Variants in MAN2B2 observed in about 807,000 individuals in gnomAD.
MAN2B2 encodes epididymis-specific alpha-mannosidase.
In MAN2B2, 106 loss-of-function variants were observed where a neutral mutation model predicts 117.1. That is an observed-to-expected ratio of 0.90 (90% CI 0.77 to 1.06). The LOEUF is 1.06. Ranked by LOEUF, MAN2B2 falls within the 50% of genes least tolerant of loss-of-function variation. The pLI, the probability that MAN2B2 is intolerant of heterozygous loss-of-function variation, is 0.00. For synonymous variants in MAN2B2, 544 were observed against 595.1 expected, an observed-to-expected ratio of 0.91 and a Z score of 1.25; for missense variants, 1,326 against 1,381.4, an observed-to-expected ratio of 0.96 and a Z score of 0.64.
At chr4:6,587,622 G>GGTA (rs1241377625) in intron 4 of MAN2B2, among the ~76,000 whole-genome samples, 1 of 152,162 alleles carries the variant, frequency 6.6e-6, no homozygotes, top group Non-Finnish European at 1.5e-5. Flanking sequence ...CAACAACCAT[G>GGTA]GTAGACGCTG....
chr4:6,576,822 C>T (rs1052595316), intron 2 of MAN2B2, 98 bp downstream of exon 2: 1 of 1,466,756 alleles, frequency 6.8e-7, no homozygotes, highest in African/African-American at 1.4e-5. Flanking sequence ...CAGGGCCAGG[C>T]TGGCATAAAC....
At chr4:6,586,938 G>A (rs1332883817) in intron 3 of MAN2B2, 58 bp from the exon 4 acceptor site, 1 of 1,545,788 alleles carries the variant, frequency 6.5e-7, no homozygotes, top group Non-Finnish European at 8.8e-7. Context: ...GGTGAGGATG[G>A]GGCCGGGAGG....
At position 6,603,146 on chromosome 4, in the gene MAN2B2, T is replaced by C. The variant is rs113206813; in HGVS notation, c.1540-1909T>C. 3.2e-3 allele frequency among the ~76,000 whole-genome samples: 491 copies of C among 152,316 alleles called. 3 individuals are homozygous for C. Among genetic ancestry groups the C allele is most frequent in the African/African-American group, 0.011 (457 of 41,576 alleles). ...CAGGAATCTTAAAGGGGTGCTTTAA[T>C]GGAGGTGCCGATGTTAGGTATGGGG... On this transcript the variant is annotated intron_variant, in intron 10 of 18. Coordinates refer to ENST00000285599, the MANE Select transcript of MAN2B2 (RefSeq NM_015274.3).
chr4:6,621,093 A>G, intron 18 of MAN2B2, 95 bp from the exon 19 acceptor site: 7 of 845,348 alleles, frequency 8.3e-6, no homozygotes, highest in Non-Finnish European at 1.4e-5. Flanking sequence ...GGAGGCTGGG[A>G]GCCACAGCAG....
chr4:6,596,490 G>T (rs1486514501), intron 7 of MAN2B2, among the ~76,000 whole-genome samples: 2 of 152,188 alleles, frequency 1.3e-5, no homozygotes, highest in Non-Finnish European at 2.9e-5. Flanking sequence ...GAGACAGACA[G>T]CCACTCCCTG....
In MAN2B2 at chr4:6,576,670, G is replaced by A; in HGVS notation, c.231G>A (p.Gln77=). 6.2e-7 allele frequency: 1 copy of A among 1,614,026 alleles called. No homozygotes were observed. The highest frequency in any genetic ancestry group is 8.5e-7 in the Non-Finnish European group (1 of 1,180,012). Residue 77 remains glutamine, a synonymous_variant, in exon 2 of 19, where the codon CAG becomes CAA. Coordinates refer to ENST00000285599, the MANE Select transcript of MAN2B2 (RefSeq NM_015274.3). Reference sequence around the variant, plus strand: ...AGCGCCGGTTCATCGCTGTGGAGCAGGAGTTTTTCCGGCTGTGGTGGGATG... The same window carrying A: ...AGCGCCGGTTCATCGCTGTGGAGCAAGAGTTTTTCCGGCTGTGGTGGGATG... ...GQQRRFIAVE[Q]EFFRLWWDGV... is the part of the protein sequence containing the mutation.
intron 11 of MAN2B2, among the ~76,000 whole-genome samples, chr4:6,605,661 A>G (rs1727515868): frequency 6.6e-6 from 1 of 152,162 alleles, no homozygotes; most frequent in Admixed American, 6.5e-5. Flanking sequence ...CTGTCTTTAA[A>G]GCAGGACGGG....
intron 1 of MAN2B2, 54 bp downstream of exon 1, chr4:6,575,402 G>A (rs995037271): frequency 1.5e-6 from 2 of 1,371,988 alleles, no homozygotes; most frequent in Non-Finnish European, 1.9e-6. Context: ...CCCTCTCCCC[G>A]CGGGATCTGA....
At chr4:6,611,509 T>C (rs1711553357) in intron 15 of MAN2B2, among the ~76,000 whole-genome samples, 1 of 152,210 alleles carries the variant, frequency 6.6e-6, no homozygotes, top group East Asian at 1.9e-4. Context: ...ACTCACCCAT[T>C]TCACCATATG....
chr4:6,600,818 G>A (rs752650709), intron 10 of MAN2B2, 62 bp downstream of exon 10: 40 of 1,588,654 alleles, frequency 2.5e-5, no homozygotes, highest in South Asian at 3.4e-5. Context: ...TCTGGGCCGG[G>A]CACATTGTCT....
At chr4:6,609,337 G>A (rs1197200121) in intron 12 of MAN2B2, 39 bp downstream of exon 12, 1 of 1,591,876 alleles carries the variant, frequency 6.3e-7, no homozygotes. Flanking sequence ...CCGGCACACA[G>A]TCAGCGCACG....
intron 10 of MAN2B2, among the ~76,000 whole-genome samples, chr4:6,603,255 C>T (rs2108749601): frequency 6.6e-6 from 1 of 152,238 alleles, no homozygotes; most frequent in South Asian, 2.1e-4. Flanking sequence ...ACACGCCACC[C>T]AGCTGACCCT....
rs534266153 is a variant in MAN2B2, at chr4:6,588,972, G to T, written c.565-73G>T. 756 of 1,147,448 alleles carry T rather than the reference G, an allele frequency of 6.6e-4. 1 individual carries two copies. In the African/African-American group the frequency reaches 0.01, roughly 16 times the overall value. The allele number at this position is 1,147,448 out of a possible 1,614,324, so 71.1% of individuals were successfully genotyped here. A position where few individuals can be genotyped will look rare whatever the true frequency, so the allele number is the denominator to read the frequency against. Reference sequence around the variant, plus strand: ...GGTGAGGGCAGGCGGGAGACACCCAGATGGGGCTGAGGGAAGTGGAGCTGG... The same window carrying T: ...GGTGAGGGCAGGCGGGAGACACCCATATGGGGCTGAGGGAAGTGGAGCTGG... On this transcript the variant is annotated intron_variant, in intron 4 of 18. Transcript: ENST00000285599.
intron 9 of MAN2B2, among the ~76,000 whole-genome samples, chr4:6,599,000 G>A (rs1727217615): frequency 6.6e-6 from 1 of 152,268 alleles, no homozygotes; most frequent in Non-Finnish European, 1.5e-5. Context: ...CTGGACAAAT[G>A]AAGACAGGTT....
At chr4:6,586,027 A>T (rs889208660) in intron 3 of MAN2B2, among the ~76,000 whole-genome samples, 2 of 151,446 alleles carry the variant, frequency 1.3e-5, no homozygotes, top group African/African-American at 4.9e-5. Flanking sequence ...AGACGCAGCA[A>T]TAATTTATGG....
In MAN2B2 at chr4:6,605,044, T is replaced by C. The variant is rs1727480265; in HGVS notation, c.1540-11T>C. 6.2e-7 allele frequency: 1 copy of C among 1,605,394 alleles called. No homozygotes were observed. The highest frequency in any genetic ancestry group is 1.3e-5 in the African/African-American group (1 of 74,786). On this transcript the variant is annotated splice_polypyrimidine_tract_variant and intron_variant, in intron 10 of 18. Coordinates refer to ENST00000285599, the MANE Select transcript of MAN2B2 (RefSeq NM_015274.3). The stretch of plus-strand genomic sequence containing the variant: ...TGACAGTTAACAAGTCTCATCCTGC[T>C]GGCCTTGCAGATCCAGAACTCAACA...
At chr4:6,594,356 C>T (rs966358591) in intron 6 of MAN2B2, among the ~76,000 whole-genome samples, 178 bp from the exon 7 acceptor site, 3 of 152,102 alleles carry the variant, frequency 2.0e-5, no homozygotes, top group South Asian at 2.1e-4. Flanking sequence ...CACTTGAACC[C>T]GGGAGGCGGA....
chr4:6,604,930 A>G, intron 10 of MAN2B2, 125 bp from the exon 11 acceptor site: 9 of 1,156,484 alleles, frequency 7.8e-6, no homozygotes, highest in Non-Finnish European at 1.1e-5. Flanking sequence ...AACTGGGGGC[A>G]GGGAGGAGAA....
chr4:6,621,203 C>A lies in MAN2B2; in HGVS notation c.2948C>A (p.Pro983His). ...GTTCCCCTAGGTGACACCACCTCTC[C>A]CTCGAGGCCACCAGGAGGCCCCATC... The part of the protein sequence containing the change: ...PGRHRGDTTS[P>H]SRPPGGPIIT... Residue 983 changes from proline (P) to histidine (H), a missense_variant, in exon 19 of 19, where the codon CCC becomes CAC. Transcript: ENST00000285599. The A allele has an allele frequency of 6.2e-7, 1 of 1,613,996 alleles. No individual in the cohort carries two copies. Among genetic ancestry groups the A allele is most frequent in the South Asian group, 1.1e-5 (1 of 91,076 alleles).
Sources: gnomAD v4.1 joint callset for allele counts (sites outside exome capture counted in the v4.1 genomes callset) on GRCh38, gnomAD v4.1.1 for gene constraint, MANE v1.5 for transcripts, NCBI Gene and HGNC (gene_info 2026-07-23, HGNC 2026-07-21) for gene names.